LFNG: variants seen among roughly 807,000 people sequenced by gnomAD.
LFNG encodes beta-1,3-N-acetylglucosaminyltransferase lunatic fringe.
LFNG carries 15 observed loss-of-function variants against 32.7 expected under a neutral mutation model. That is an observed-to-expected ratio of 0.46 (90% CI 0.31 to 0.71). The LOEUF is 0.71. Among genes scored for constraint, LFNG ranks in the 30% least tolerant of loss-of-function variants. LFNG has a pLI of 0.06. For missense variants in LFNG, 520 were observed against 545.7 expected (o/e 0.95, Z 0.47); for synonymous variants, 274 against 246.8 (o/e 1.11, Z -1.03).
upstream of LFNG, chr7:2,518,546 A>T: frequency 7.3e-7 from 1 of 1,370,176 alleles, no homozygotes; most frequent in Non-Finnish European, 1.0e-6. Context: ...AACCTGTTCC[A>T]GGTCTGAATG....
In LFNG at chr7:2,520,728, C is replaced by T. The variant is rs1343513280; in HGVS notation, c.432+435C>T. Among the ~76,000 whole-genome samples the T allele has an allele frequency of 2.6e-5, 4 of 152,266 alleles. No individual in the cohort carries two copies. Among genetic ancestry groups the T allele is most frequent in the African/African-American group, 4.8e-5 (2 of 41,468 alleles). On this transcript the variant is annotated intron_variant, in intron 1 of 7. Transcript: ENST00000222725. The surrounding 1 kb of genome is among the most constrained non-coding windows in gnomAD (Gnocchi z 5.0). ...CCTTTAGAGAAGTGAGGGGTTCTGA[C>T]CTCTGGGCCCTTTCCTCATCACAGT... is the stretch of plus-strand genomic sequence containing the variant.
rs1760592953 is a variant in LFNG, at chr7:2,520,929, A to G, written c.432+636A>G. Among the ~76,000 whole-genome samples the G allele has an allele frequency of 6.6e-6, 1 of 152,122 alleles. No individual in the cohort carries two copies. Among genetic ancestry groups the G allele is most frequent in the African/African-American group, 2.4e-5 (1 of 41,420 alleles). On this transcript the variant is annotated intron_variant, in intron 1 of 7. Transcript: ENST00000222725. This position sits in a 1 kb window ranked among gnomAD's most constrained non-coding sequence, Gnocchi z 5.0. Reference sequence around the variant, plus strand: ...TCAGTTGGGCATCAGCTTCTTACACACACATAATTAAGACACACCCCACTT... The same window carrying G: ...TCAGTTGGGCATCAGCTTCTTACACGCACATAATTAAGACACACCCCACTT...
rs1296195858 is a variant in LFNG, at chr7:2,520,491, C to T, written c.432+198C>T. 6.6e-6 allele frequency among the ~76,000 whole-genome samples: 1 copy of T among 152,218 alleles called. No homozygotes were observed. The highest frequency in any genetic ancestry group is 6.5e-5 in the Admixed American group (1 of 15,286). The stretch of plus-strand genomic sequence containing the variant: ...CTCCCGTTACAGTTGTGTTACTGTC[C>T]CCGGGGCCCCGCCTCCTGTCCAGCT... On this transcript the variant is annotated intron_variant, in intron 1 of 7. Coordinates refer to ENST00000222725, the MANE Select transcript of LFNG (RefSeq NM_001040167.2). This position sits in a 1 kb window ranked among gnomAD's most constrained non-coding sequence, Gnocchi z 5.0.
chr7:2,513,254 T>C (rs765655498), upstream of LFNG: 11 of 1,605,678 alleles, frequency 6.9e-6, no homozygotes, highest in South Asian at 1.2e-4. Flanking sequence ...GACAGATGGA[T>C]GGATGGATGG....
intron 1 of LFNG, among the ~76,000 whole-genome samples, chr7:2,524,190 T>G (rs1205166548): frequency 1.3e-5 from 2 of 152,276 alleles, no homozygotes; most frequent in African/African-American, 4.8e-5. Flanking sequence ...AGCGAAGGCC[T>G]TTGTCCCCAA....
At chr7:2,525,845 TC>T in intron 5 of LFNG, 75 bp downstream of exon 5, 1 of 1,309,684 alleles carries the variant, frequency 7.6e-7, no homozygotes, top group Non-Finnish European at 1.1e-6. Context: ...TAGTTCATCT[TC>T]CCAGCCATGG....
At chr7:2,524,128 G>A (rs1047883401) in intron 1 of LFNG, among the ~76,000 whole-genome samples, 6 of 152,318 alleles carry the variant, frequency 3.9e-5, no homozygotes, top group Admixed American at 2.6e-4. Flanking sequence ...ACAATGCCTG[G>A]TGATTCATCC....
rs201654623 is a variant in LFNG at position 2,527,571 on chromosome 7, G to A, written c.*359G>A. 15 of 1,226,020 alleles carry A rather than the reference G, an allele frequency of 1.2e-5. No individual in the cohort carries two copies. In the East Asian group the frequency reaches 1.9e-4, roughly 16 times the overall value. The allele number at this position is 1,226,020 out of a possible 1,614,324, so 75.9% of individuals were successfully genotyped here. On this transcript the variant is annotated 3_prime_UTR_variant, in exon 8 of 8. Coordinates refer to ENST00000222725, the MANE Select transcript of LFNG (RefSeq NM_001040167.2). This position sits in a 1 kb window ranked among gnomAD's most constrained non-coding sequence, Gnocchi z 4.4. ...GCTCCGGGCTACTTTGCAGGGATGCGATGCGTAGGTGCCTTTCTCTTCCTG... is the reference window on the plus strand; with the variant it reads ...GCTCCGGGCTACTTTGCAGGGATGCAATGCGTAGGTGCCTTTCTCTTCCTG...
upstream of LFNG, chr7:2,513,270 TGG>T: frequency 6.2e-7 from 1 of 1,613,118 alleles, no homozygotes; most frequent in East Asian, 2.2e-5. Context: ...GATGGATGGA[TGG>T]ATGAGTGGAG....
chr7:2,527,943 C>G lies in LFNG; in HGVS notation c.*731C>G, dbSNP rs1374927276. ...GTCAGAGCTCAGCATTTAATCTCCT[C>G]TCCAAAGTAGAGAGCAAGTCGCCCA... On this transcript the variant is annotated 3_prime_UTR_variant, in exon 8 of 8. Coordinates refer to ENST00000222725, the MANE Select transcript of LFNG (RefSeq NM_001040167.2). This position sits in a 1 kb window ranked among gnomAD's most constrained non-coding sequence, Gnocchi z 4.4. 1.3e-5 allele frequency: 13 copies of G among 985,994 alleles called. No homozygotes were observed. In the South Asian group the frequency reaches 2.3e-4, roughly 18 times the overall value. The allele number at this position is 985,994 out of a possible 1,614,324, so 61.1% of individuals were successfully genotyped here.
At chr7:2,517,760 C>T (rs1221672820), upstream of LFNG, 2 of 682,324 alleles carry the variant, frequency 2.9e-6, no homozygotes, top group Admixed American at 2.3e-5. Flanking sequence ...TGCTTGGCTG[C>T]AGGGGATTGA....
chr7:2,514,534 C>A (rs1056862915), upstream of LFNG, among the ~76,000 whole-genome samples: 5 of 150,818 alleles, frequency 3.3e-5, no homozygotes, highest in Non-Finnish European at 7.4e-5. Context: ...ATCCATCCAT[C>A]CATCCACCCA....
At chr7:2,514,742 CCATTCATCCATCCATG>C (rs1779571844), upstream of LFNG, among the ~76,000 whole-genome samples, 1 of 151,940 alleles carries the variant, frequency 6.6e-6, no homozygotes. Flanking sequence ...ATCCATCCAT[CCATTCATCCATCCATG>C]CATCCATCTG....
chr7:2,512,963 C>A (rs1230421188), upstream of LFNG, among the ~76,000 whole-genome samples: 1 of 152,192 alleles, frequency 6.6e-6, no homozygotes, highest in Non-Finnish European at 1.5e-5. Flanking sequence ...GACTGCACAA[C>A]CTCCACCTCC....
At chr7:2,523,375 G>A (rs1779847075) in intron 1 of LFNG, among the ~76,000 whole-genome samples, 1 of 152,142 alleles carries the variant, frequency 6.6e-6, no homozygotes, top group African/African-American at 2.4e-5. Context: ...GTGAGCATGT[G>A]CCCAGGGCTG....
At chr7:2,515,515 C>G (rs905817755), upstream of LFNG, among the ~76,000 whole-genome samples, 1 of 152,202 alleles carries the variant, frequency 6.6e-6, no homozygotes, top group Admixed American at 6.5e-5. Flanking sequence ...CAGGATGCCC[C>G]CCGAAGCCTT....
Position 2,527,990 on chromosome 7 carries a change from T to C in LFNG, c.*778T>C. On this transcript the variant is annotated 3_prime_UTR_variant, in exon 8 of 8. Coordinates refer to ENST00000222725, the MANE Select transcript of LFNG (RefSeq NM_001040167.2). This position sits in a 1 kb window ranked among gnomAD's most constrained non-coding sequence, Gnocchi z 4.4. ...CCCACAGTGGGCGTGTCTGTAAATA[T>C]TGTGACAGTATTTTTTTACTGTGCT... The C allele has an allele frequency of 3.0e-6, 3 of 984,890 alleles. No homozygotes were observed. The highest frequency in any genetic ancestry group is 1.8e-5 in the African/African-American group (1 of 57,132). The allele number at this position is 984,890 out of a possible 1,614,324, so 61.0% of individuals were successfully genotyped here.
Position 2,520,255 on chromosome 7 carries a change from C to T in LFNG, c.394C>T (p.Leu132=), listed in dbSNP as rs1374819966. 1.2e-6 allele frequency: 2 copies of T among 1,610,092 alleles called. No individual in the cohort carries two copies. The highest frequency in any genetic ancestry group is 1.3e-5 in the African/African-American group (1 of 74,584). The change falls in exon 1 of 8, where the codon CTG becomes TTG. Residue 132 remains leucine, a synonymous_variant. Transcript: ENST00000222725. This position sits in a 1 kb window ranked among gnomAD's most constrained non-coding sequence, Gnocchi z 5.0. ...AAAGTTCCACCGCGCGCGCCTCGAC[C>T]TGCTGCTGGAGACCTGGATCTCGCG... ...TKKFHRARLD[L]LLETWISRHK...
rs990196489 is a variant in LFNG at position 2,527,920 on chromosome 7, CAG to C, written c.*711_*712del. ...TTTGCCTCCCCAGGACAGGGTGAGT[CAG>C]AGCTCAGCATTTAATCTCCTCTCCA... On this transcript the variant is annotated 3_prime_UTR_variant, in exon 8 of 8. Coordinates refer to ENST00000222725, the MANE Select transcript of LFNG (RefSeq NM_001040167.2). This position sits in a 1 kb window ranked among gnomAD's most constrained non-coding sequence, Gnocchi z 4.4. 1 of 986,622 alleles carries C rather than the reference CAG, an allele frequency of 1.0e-6. No homozygotes were observed. The highest frequency in any genetic ancestry group is 1.7e-5 in the African/African-American group (1 of 57,198). The allele number at this position is 986,622 out of a possible 1,614,324, so 61.1% of individuals were successfully genotyped here.
Sources: allele counts gnomAD v4.1 joint callset (sites outside exome capture counted in the v4.1 genomes callset), GRCh38; gene constraint gnomAD v4.1.1; non-coding constraint Gnocchi (gnomAD v3.1); transcripts MANE v1.5; gene names NCBI Gene and HGNC (gene_info 2026-07-23, HGNC 2026-07-21).